PTPRO: variants seen among roughly 807,000 people sequenced by gnomAD.
PTPRO encodes protein tyrosine phosphatase receptor type O, also known as receptor-type tyrosine-protein phosphatase O.
PTPRO carries 62 observed loss-of-function variants against 145.2 expected under a neutral mutation model. The observed-to-expected ratio is 0.43, with a 90% CI of 0.35 to 0.53. PTPRO has a LOEUF of 0.53. Ranked by LOEUF, PTPRO falls within the 20% of genes least tolerant of loss-of-function variation. The pLI, the probability that PTPRO is intolerant of heterozygous loss-of-function variation, is 0.01. For synonymous variants in PTPRO, 565 were observed against 514.7 expected (o/e 1.10, Z -1.32); for missense variants, 1,345 against 1,482.7 (o/e 0.91, Z 1.53).
Position 15,560,284 on chromosome 12 carries a change from AT to A in PTPRO, c.2711+17del, listed in dbSNP as rs772476944. On this transcript the variant is annotated intron_variant, in intron 17 of 26. Transcript: ENST00000281171. Reference sequence around the variant, plus strand: ...ATTTTATATTAATCCTTGGTAAGTGATTTTTTTTTACTGTTTAACACAAACT... The same window carrying A: ...ATTTTATATTAATCCTTGGTAAGTGATTTTTTTTACTGTTTAACACAAACT... The A allele has an allele frequency of 1.8e-4, 269 of 1,530,844 alleles. No homozygotes were observed. The highest frequency in any genetic ancestry group is 4.6e-4 in the South Asian group (41 of 89,180). 94.8% of individuals were successfully genotyped at this position (1,530,844 alleles called of 1,614,324 possible).
intron 1 of PTPRO, among the ~76,000 whole-genome samples, chr12:15,433,474 T>C (rs1029476357): frequency 1.4e-4 from 22 of 152,222 alleles, no homozygotes; most frequent in Non-Finnish European, 2.1e-4. Context: ...ACAGCCACCA[T>C]GCCCAGCCAG....
At chr12:15,473,768 C>CAAAAAAAAAAAAAAAAA (rs11340085) in intron 1 of PTPRO, among the ~76,000 whole-genome samples, 2 of 65,570 alleles carry the variant, frequency 3.1e-5, no homozygotes, top group African/African-American at 1.2e-4. Context: ...GACTCCATCT[C>CAAAAAAAAAAAAAAAAA]AAAAAAAAAA....
intron 1 of PTPRO, among the ~76,000 whole-genome samples, chr12:15,360,919 T>G (rs188448139): frequency 6.9e-6 from 1 of 145,118 alleles, no homozygotes; most frequent in Non-Finnish European, 1.5e-5. Context: ...TATACACACA[T>G]GTATATACAC....
chr12:15,481,579 T>C (rs1267184077), intron 1 of PTPRO, among the ~76,000 whole-genome samples: 1 of 152,208 alleles, frequency 6.6e-6, no homozygotes, highest in South Asian at 2.1e-4. Flanking sequence ...GCACTTAGCA[T>C]ATGCCAGGTA....
intron 1 of PTPRO, among the ~76,000 whole-genome samples, chr12:15,475,043 C>A (rs1565651424): frequency 6.6e-6 from 1 of 152,150 alleles, no homozygotes; most frequent in Non-Finnish European, 1.5e-5. Context: ...CAATCATCCC[C>A]AAAGCTGTCG....
chr12:15,592,373 G>A (rs1944571939), intron 25 of PTPRO, among the ~76,000 whole-genome samples: 1 of 152,160 alleles, frequency 6.6e-6, no homozygotes, highest in African/African-American at 2.4e-5. Flanking sequence ...CTGTTTTTAT[G>A]TATATAATCA....
chr12:15,576,650 C>A (rs904034759), intron 19 of PTPRO, among the ~76,000 whole-genome samples: 7 of 152,264 alleles, frequency 4.6e-5, no homozygotes, highest in Admixed American at 3.9e-4. Flanking sequence ...AACAAAGAAT[C>A]ATCACAAAAG....
At chr12:15,426,082 G>C (rs1940278148) in intron 1 of PTPRO, among the ~76,000 whole-genome samples, 1 of 151,234 alleles carries the variant, frequency 6.6e-6, no homozygotes, top group Admixed American at 6.6e-5. Context: ...CATTTATTAA[G>C]GTCTTTCTTG....
intron 1 of PTPRO, among the ~76,000 whole-genome samples, chr12:15,379,365 CAAA>C (rs144784597): frequency 9.0e-6 from 1 of 111,048 alleles, no homozygotes. Context: ...ACTAAAAATA[CAAA>C]AAAAAAAAAA....
intron 1 of PTPRO, among the ~76,000 whole-genome samples, chr12:15,442,750 C>T (rs1940803884): frequency 6.6e-6 from 1 of 151,910 alleles, no homozygotes; most frequent in African/African-American, 2.4e-5. Context: ...ACAATAGCCA[C>T]ACACACAAAA....
At chr12:15,357,990 T>A (rs1208600706) in intron 1 of PTPRO, among the ~76,000 whole-genome samples, 1 of 151,308 alleles carries the variant, frequency 6.6e-6, no homozygotes, top group Non-Finnish European at 1.5e-5. Flanking sequence ...CCAACCCAAA[T>A]GTCCAACAAT....
At position 15,525,204 on chromosome 12, in the gene PTPRO, A is replaced by G. The variant is rs2072541; in HGVS notation, c.2043+239A>G. Among the ~76,000 whole-genome samples the G allele has an allele frequency of 0.44, 66,236 of 152,040 alleles. 15,033 individuals carry two copies. The highest frequency in any genetic ancestry group is 0.55 in the African/African-American group (22,646 of 41,446). On this transcript the variant is annotated intron_variant, in intron 11 of 26. Transcript: ENST00000281171. ...ATTGATTTCATTTATATTTAGAATT[A>G]TGATTTGAGCTTTTTCTTCAGGATG...
chr12:15,520,793 T>G (rs1361320277), intron 10 of PTPRO, among the ~76,000 whole-genome samples: 2 of 152,198 alleles, frequency 1.3e-5, no homozygotes, highest in Admixed American at 6.5e-5. Context: ...GAATAGACCC[T>G]CCGCATACCA....
intron 1 of PTPRO, among the ~76,000 whole-genome samples, chr12:15,383,613 A>C (rs936336680): frequency 5.9e-5 from 9 of 152,200 alleles, no homozygotes; most frequent in Non-Finnish European, 1.5e-5. Flanking sequence ...CTTAATTTTA[A>C]ACATGTTAGG....
intron 19 of PTPRO, among the ~76,000 whole-genome samples, chr12:15,572,865 T>C (rs1944088699): frequency 1.3e-5 from 2 of 152,154 alleles, no homozygotes; most frequent in Admixed American, 6.5e-5. Flanking sequence ...GTTGTTATAA[T>C]AGCTTAGGAG....
At chr12:15,472,907 A>G (rs752396297) in intron 1 of PTPRO, among the ~76,000 whole-genome samples, 17 of 152,146 alleles carry the variant, frequency 1.1e-4, no homozygotes, top group Non-Finnish European at 2.1e-4. Context: ...CCAGAAAGGA[A>G]CAAGAGCTCC....
intron 1 of PTPRO, among the ~76,000 whole-genome samples, chr12:15,373,713 ACT>A (rs1231734799): frequency 6.6e-6 from 1 of 152,202 alleles, no homozygotes; most frequent in African/African-American, 2.4e-5. Context: ...GACAATGAAC[ACT>A]CAATAAATAT....
At chr12:15,354,953 A>G (rs890019413) in intron 1 of PTPRO, among the ~76,000 whole-genome samples, 5 of 152,332 alleles carry the variant, frequency 3.3e-5, no homozygotes, top group African/African-American at 9.6e-5. Flanking sequence ...TTTAGTTACA[A>G]GCACCATTCT....
At chr12:15,472,434 G>A (rs1591841840) in intron 1 of PTPRO, among the ~76,000 whole-genome samples, 1 of 152,184 alleles carries the variant, frequency 6.6e-6, no homozygotes, top group Non-Finnish European at 1.5e-5. Context: ...AGCAAGGCGT[G>A]TCTTGGTCTT....
Sources: gnomAD v4.1 joint callset for allele counts (sites outside exome capture counted in the v4.1 genomes callset) on GRCh38, gnomAD v4.1.1 for gene constraint, MANE v1.5 for transcripts, NCBI Gene and HGNC (gene_info 2026-07-23, HGNC 2026-07-21) for gene names.